The following SVOP variants were observed in gnomAD, a reference collection of about 807,000 sequenced individuals.
The protein encoded by SVOP is SV2 related protein, also known as synaptic vesicle 2-related protein.
Under a neutral mutation model 69.1 loss-of-function variants are expected in SVOP, and 17 were observed. That is an observed-to-expected ratio of 0.25 (90% confidence interval 0.17 to 0.37). SVOP has a LOEUF of 0.37. Among genes scored for constraint, SVOP ranks in the 10% least tolerant of loss-of-function variants. The pLI, the probability that SVOP is intolerant of heterozygous loss-of-function variation, is 1.00. For missense variants in SVOP, 435 were observed against 597.5 expected, an observed-to-expected ratio of 0.73 and a Z score of 2.84; for synonymous variants, 238 against 238.6, an observed-to-expected ratio of 1.00 and a Z score of 0.02.
intron 10 of SVOP, among the ~76,000 whole-genome samples, chr12:108,935,010 AC>A (rs1426241507): frequency 1.3e-5 from 2 of 152,090 alleles, no homozygotes; most frequent in Non-Finnish European, 1.5e-5. Context: ...AAATCCAAAA[AC>A]CCTCTCTTGG....
intron 15 of SVOP, among the ~76,000 whole-genome samples, chr12:108,913,695 C>G (rs531030139): frequency 6.6e-6 from 1 of 152,334 alleles, no homozygotes; most frequent in African/African-American, 2.4e-5. Flanking sequence ...TGTCTCCAGG[C>G]TGGAGTGCAG....
chr12:108,939,258 G>C (rs2039874786), intron 8 of SVOP, among the ~76,000 whole-genome samples: 1 of 152,162 alleles, frequency 6.6e-6, no homozygotes, highest in Non-Finnish European at 1.5e-5. Flanking sequence ...GCAGTGCCTG[G>C]TATGGGTTAA....
rs537183653 is a variant in SVOP at position 108,960,103 on chromosome 12, C to T, written c.578+820G>A. ...CTATTATCATTTTTTAGGGTGGAGT[C>T]CAACACGCATTTTCTATAATGGGCC... On this transcript the variant is annotated intron_variant, in intron 6 of 15. Transcript: ENST00000610966. Among the ~76,000 whole-genome samples, 12 of 152,264 alleles carry T rather than the reference C, an allele frequency of 7.9e-5. No individual in the cohort carries two copies. In the South Asian group the frequency reaches 2.5e-3, roughly 32 times the overall value.
chr12:108,988,752 T>TCC (rs374729528), intron 1 of SVOP, among the ~76,000 whole-genome samples: 126,920 of 143,022 alleles, frequency 0.89, 57,684 homozygotes, highest in Non-Finnish European at 0.99. Flanking sequence ...ATTTCTTCCT[T>TCC]TCTTACTTCT....
intron 10 of SVOP, among the ~76,000 whole-genome samples, chr12:108,935,787 T>A (rs1322422417): frequency 6.6e-6 from 1 of 152,152 alleles, no homozygotes; most frequent in Non-Finnish European, 1.5e-5. Context: ...CAGCTCCAAT[T>A]CATTGTGGAG....
At chr12:108,945,376 C>T (rs2039916642) in intron 6 of SVOP, among the ~76,000 whole-genome samples, 1 of 152,030 alleles carries the variant, frequency 6.6e-6, no homozygotes, top group Non-Finnish European at 1.5e-5. Flanking sequence ...GGGATGAGGC[C>T]CTGGCATCTG....
chr12:108,946,091 G>T (rs2039921246), intron 6 of SVOP, among the ~76,000 whole-genome samples: 1 of 152,144 alleles, frequency 6.6e-6, no homozygotes, highest in Non-Finnish European at 1.5e-5. Context: ...ACAAATGGTT[G>T]TTTTTGTTTG....
chr12:109,013,369 A>C (rs771970653), intron 1 of SVOP, among the ~76,000 whole-genome samples: 2 of 152,150 alleles, frequency 1.3e-5, no homozygotes, highest in African/African-American at 4.8e-5. Context: ...AAATACACAT[A>C]ACATCAAACT....
intron 11 of SVOP, among the ~76,000 whole-genome samples, chr12:108,933,223 T>G (rs1395264955): frequency 6.6e-6 from 1 of 152,078 alleles, no homozygotes; most frequent in Non-Finnish European, 1.5e-5. Flanking sequence ...AATAAGTAAA[T>G]TTAACTAACA....
intron 7 of SVOP, among the ~76,000 whole-genome samples, chr12:108,941,660 AT>A (rs533174253): frequency 0.016 from 2,273 of 144,302 alleles, 60 homozygotes; most frequent in African/African-American, 0.048. Flanking sequence ...GTCTGTGCCC[AT>A]TTTTTTTTTT....
At chr12:108,961,908 T>G (rs929750557) in intron 5 of SVOP, among the ~76,000 whole-genome samples, 1 of 152,344 alleles carries the variant, frequency 6.6e-6, no homozygotes, top group African/African-American at 2.4e-5. Flanking sequence ...GGCATCATTA[T>G]TCTAACATCT....
intron 1 of SVOP, among the ~76,000 whole-genome samples, chr12:109,017,747 T>C (rs2135636518): frequency 6.6e-6 from 1 of 152,232 alleles, no homozygotes; most frequent in South Asian, 2.1e-4. Context: ...TTTCACCATG[T>C]TGGTCAGGCT....
intron 5 of SVOP, among the ~76,000 whole-genome samples, chr12:108,970,590 T>C (rs1388074535): frequency 1.3e-5 from 1 of 77,412 alleles, no homozygotes; most frequent in Non-Finnish European, 3.1e-5. Context: ...GCTCCAGTAG[T>C]AGGTTATTCT....
At chr12:108,961,730 A>G (rs1341945099) in intron 5 of SVOP, among the ~76,000 whole-genome samples, 2 of 152,336 alleles carry the variant, frequency 1.3e-5, no homozygotes, top group Non-Finnish European at 1.5e-5. Context: ...CGTATTTACA[A>G]TCAGGGGCAG....
chr12:108,968,744 T>TTGTGTGTGTGTGTGTG (rs554473073), intron 5 of SVOP, among the ~76,000 whole-genome samples: 45 of 149,770 alleles, frequency 3.0e-4, no homozygotes, highest in Admixed American at 1.9e-3. Flanking sequence ...TGTTTGTCTT[T>TTGTGTGTGTGTGTGTG]TGTGTGTGTG....
At chr12:108,967,086 C>T (rs947198528) in intron 5 of SVOP, among the ~76,000 whole-genome samples, 6 of 152,186 alleles carry the variant, frequency 3.9e-5, no homozygotes, top group Non-Finnish European at 8.8e-5. Flanking sequence ...AGTTGAATAG[C>T]TTGTCTTTAA....
chr12:108,979,417 T>G (rs574449465), intron 2 of SVOP, among the ~76,000 whole-genome samples: 1 of 152,190 alleles, frequency 6.6e-6, no homozygotes, highest in African/African-American at 2.4e-5. Flanking sequence ...TTTTTTTCTA[T>G]TTTTTGTAGA....
intron 5 of SVOP, among the ~76,000 whole-genome samples, chr12:108,961,922 G>T (rs940955394): frequency 4.0e-5 from 6 of 151,840 alleles, no homozygotes; most frequent in African/African-American, 1.5e-4. Flanking sequence ...AACATCTATT[G>T]TACCAGGATA....
chr12:108,998,311 T>G (rs917949196), intron 1 of SVOP, among the ~76,000 whole-genome samples: 1 of 151,668 alleles, frequency 6.6e-6, no homozygotes, highest in African/African-American at 2.4e-5. Flanking sequence ...TGGGACTATG[T>G]GAAAAGACCA....
Sources: gnomAD v4.1 joint callset for allele counts (sites outside exome capture counted in the v4.1 genomes callset) on GRCh38, gnomAD v4.1.1 for gene constraint, MANE v1.5 for transcripts, NCBI Gene and HGNC (gene_info 2026-07-23, HGNC 2026-07-21) for gene names.